SPICE1: variants seen among roughly 807,000 people sequenced by gnomAD.
SPICE1 encodes spindle and centriole associated protein 1.
A neutral mutation model predicts 102.7 loss-of-function variants in SPICE1; 75 were observed. That is an observed-to-expected ratio of 0.73 (90% CI 0.61 to 0.88). The LOEUF (loss-of-function observed/expected upper bound fraction) is 0.88. SPICE1 is among the 40% of genes least tolerant of loss of function. SPICE1 has a pLI of 0.00. For missense variants in SPICE1, 979 were observed against 1,020.1 expected, an observed-to-expected ratio of 0.96 and a Z score of 0.55; for synonymous variants, 308 against 350.3, an observed-to-expected ratio of 0.88 and a Z score of 1.35.
In SPICE1 at chr3:113,450,224, G is replaced by A. The variant is rs1406001316; in HGVS notation, c.2323+112C>T. 4 of 1,226,602 alleles carry A rather than the reference G, an allele frequency of 3.3e-6. No individual in the cohort carries two copies. The East Asian group carries it at 9.8e-5, about 30-fold the overall frequency. The allele number at this position is 1,226,602 out of a possible 1,614,324, so 76.0% of individuals were successfully genotyped here. ...CTATTTCTTTCTGTGCAAAATTGAA[G>A]GCACCAAAATATATGCTCTGATACT... On this transcript the variant is annotated intron_variant, in intron 15 of 17. Coordinates refer to ENST00000295872, the MANE Select transcript of SPICE1 (RefSeq NM_144718.4).
At chr3:113,458,068 C>T (rs56036775) in intron 12 of SPICE1, among the ~76,000 whole-genome samples, 5,590 of 152,292 alleles carry the variant, frequency 0.037, 188 homozygotes, top group African/African-American at 0.09. Flanking sequence ...AGAGCTGAGA[C>T]TCAGGAAGAT....
intron 13 of SPICE1, among the ~76,000 whole-genome samples, chr3:113,456,357 A>G (rs1019552007): frequency 6.6e-6 from 1 of 152,084 alleles, no homozygotes; most frequent in African/African-American, 2.4e-5. Flanking sequence ...GGCTAATCAG[A>G]CCTGAATAAT....
intron 11 of SPICE1, among the ~76,000 whole-genome samples, 171 bp from the exon 12 acceptor site, chr3:113,460,935 A>C (rs1935919010): frequency 6.6e-6 from 1 of 152,198 alleles, no homozygotes; most frequent in African/African-American, 2.4e-5. Flanking sequence ...TGAGACTTCA[A>C]ATTAAAGCAA....
rs561833520 is a variant in SPICE1, at chr3:113,464,552, G to A, written c.1287+1101C>T. Among the ~76,000 whole-genome samples the A allele has an allele frequency of 7.9e-5, 12 of 152,066 alleles. No individual in the cohort carries two copies. In the South Asian group the frequency reaches 1.5e-3, roughly 18 times the overall value. The stretch of plus-strand genomic sequence containing the variant: ...TTAAAGGTGTGAGCCACTGCGCCTC[G>A]CCCTATATTATCAATTTTAAAAAAT... On this transcript the variant is annotated intron_variant, in intron 11 of 17. Transcript: ENST00000295872.
chr3:113,469,499 T>C (rs892998664), intron 7 of SPICE1, among the ~76,000 whole-genome samples: 11 of 146,926 alleles, frequency 7.5e-5, no homozygotes, highest in Non-Finnish European at 1.5e-4. Context: ...CTATATTACA[T>C]GTAATTTAAT....
rs767234603 is a variant in SPICE1, at chr3:113,506,583, C to G, written c.23G>C (p.Arg8Pro). 1 of 1,612,968 alleles carries G rather than the reference C, an allele frequency of 6.2e-7. No homozygotes were observed. The highest frequency in any genetic ancestry group is 1.3e-5 in the African/African-American group (1 of 74,944). The change falls in exon 2 of 18, where the codon CGC becomes CCC. Residue 8 changes from arginine to proline, a missense_variant. By Grantham distance (103) the Arg-to-Pro change is moderately radical. Coordinates refer to ENST00000295872, the MANE Select transcript of SPICE1 (RefSeq NM_144718.4). ...TCTTACACCAACTCGGGGACCACAG[C>G]GGTTCACTCTGACAAATGACATCTA... MSFVRVN[R>P]CGPRVGVRKT... is the part of the protein sequence containing the mutation.
chr3:113,473,806 C>A (rs1290273666), intron 7 of SPICE1, among the ~76,000 whole-genome samples: 1 of 151,894 alleles, frequency 6.6e-6, no homozygotes, highest in African/African-American at 2.4e-5. Context: ...TGGAAAGGAA[C>A]AACCGGTACC....
chr3:113,451,568 C>T (rs1277394787), intron 14 of SPICE1, among the ~76,000 whole-genome samples: 1 of 152,052 alleles, frequency 6.6e-6, no homozygotes, highest in Non-Finnish European at 1.5e-5. Context: ...ATTAGATAGT[C>T]CCTTCCAGCT....
intron 10 of SPICE1, among the ~76,000 whole-genome samples, chr3:113,466,783 C>T (rs7649529): frequency 0.014 from 2,130 of 152,268 alleles, 41 homozygotes; most frequent in African/African-American, 0.04. Context: ...CAGAGGCTCA[C>T]GCCTATAATA....
At chr3:113,503,749 A>G (rs1937054100) in intron 2 of SPICE1, among the ~76,000 whole-genome samples, 3 of 152,046 alleles carry the variant, frequency 2.0e-5, no homozygotes, top group Non-Finnish European at 4.4e-5. Context: ...CCAGGCCAAC[A>G]TGGCAAAACT....
At chr3:113,471,798 C>T (rs1434573738) in intron 7 of SPICE1, among the ~76,000 whole-genome samples, 3 of 151,930 alleles carry the variant, frequency 2.0e-5, no homozygotes, top group South Asian at 2.1e-4. Context: ...TTTGTTTTTT[C>T]GGGAAGGGCA....
intron 3 of SPICE1, among the ~76,000 whole-genome samples, chr3:113,502,237 G>A (rs377561816): frequency 1.3e-5 from 2 of 152,152 alleles, no homozygotes; most frequent in African/African-American, 2.4e-5. Flanking sequence ...TTAGCCAGGC[G>A]TGGTGGCATG....
rs563646442 is a variant in SPICE1, at chr3:113,452,717, T to C, written c.2142+749A>G. On this transcript the variant is annotated intron_variant, in intron 14 of 17. Coordinates refer to ENST00000295872, the MANE Select transcript of SPICE1 (RefSeq NM_144718.4). ...AAAACAGGCTGGGCGCAGTGGCTCATGCCTGTAATTCCAGCACTTTGGGAG... is the reference window on the plus strand; with the variant it reads ...AAAACAGGCTGGGCGCAGTGGCTCACGCCTGTAATTCCAGCACTTTGGGAG... Among the ~76,000 whole-genome samples, 135 of 152,034 alleles carry C rather than the reference T, an allele frequency of 8.9e-4. 1 individual carries two copies. The highest frequency in any genetic ancestry group is 4.4e-3 in the South Asian group (21 of 4,810).
chr3:113,450,316 A>G lies in SPICE1; in HGVS notation c.2323+20T>C. ...AAACCTTCATATTTCTAGTTTTTAA[A>G]TCATGAATTTGTGACCAACCAGTCC... On this transcript the variant is annotated intron_variant, in intron 15 of 17. Coordinates refer to ENST00000295872, the MANE Select transcript of SPICE1 (RefSeq NM_144718.4). 1 of 1,613,666 alleles carries G rather than the reference A, an allele frequency of 6.2e-7. No individual in the cohort carries two copies.
intron 1 of SPICE1, chr3:113,514,618 T>C: frequency 2.1e-6 from 1 of 480,516 alleles, no homozygotes; most frequent in South Asian, 1.5e-5. Context: ...CTCACTCTCT[T>C]CTCTACTGGG....
chr3:113,472,068 A>T (rs1936214918), intron 7 of SPICE1, among the ~76,000 whole-genome samples: 1 of 152,212 alleles, frequency 6.6e-6, no homozygotes, highest in African/African-American at 2.4e-5. Flanking sequence ...GCACCTGGAA[A>T]ATTGGGTCAT....
intron 3 of SPICE1, among the ~76,000 whole-genome samples, chr3:113,501,919 T>A (rs1017278182): frequency 6.6e-6 from 1 of 152,206 alleles, no homozygotes; most frequent in Non-Finnish European, 1.5e-5. Flanking sequence ...ATAAAAGAAC[T>A]GATAATACAT....
At chr3:113,482,525 G>A (rs1206260371) in intron 7 of SPICE1, among the ~76,000 whole-genome samples, 2 of 152,096 alleles carry the variant, frequency 1.3e-5, no homozygotes, top group Admixed American at 1.3e-4. Context: ...TTTCTTCTAG[G>A]ATTTTTTATG....
intron 6 of SPICE1, among the ~76,000 whole-genome samples, chr3:113,492,311 T>C (rs116920459): frequency 1.3e-5 from 2 of 152,304 alleles, no homozygotes; most frequent in East Asian, 3.9e-4. Flanking sequence ...ATCCCTCTAA[T>C]TGATGATTCT....
Sources: allele counts gnomAD v4.1 joint callset (sites outside exome capture counted in the v4.1 genomes callset), GRCh38; gene constraint gnomAD v4.1.1; transcripts MANE v1.5; gene names NCBI Gene and HGNC (gene_info 2026-07-23, HGNC 2026-07-21).